MED13: variants seen among roughly 807,000 people sequenced by gnomAD.
The protein encoded by MED13 is mediator complex subunit 13.
A neutral mutation model predicts 225.2 loss-of-function variants in MED13; 23 were observed. The ratio of observed to expected loss-of-function variants is 0.10; its 90% CI spans 0.07 to 0.14. MED13 has a LOEUF of 0.14. Ranked by LOEUF, MED13 falls within the 10% of genes least tolerant of loss-of-function variation. The pLI, the probability that MED13 is intolerant of heterozygous loss-of-function variation, is 1.00. For missense variants in MED13, 2,197 were observed against 2,594.5 expected, an observed-to-expected ratio of 0.85 and a Z score of 3.33; for synonymous variants, 942 against 889.2, an observed-to-expected ratio of 1.06 and a Z score of -1.06.
chr17:62,059,435 TGTG>T (rs1198793993), intron 2 of MED13, among the ~76,000 whole-genome samples: 1 of 152,196 alleles, frequency 6.6e-6, no homozygotes, highest in African/African-American at 2.4e-5. Flanking sequence ...AGTAACAAGA[TGTG>T]GTGTGTGCTG....
At chr17:62,023,970 T>C (rs1049779793) in intron 8 of MED13, among the ~76,000 whole-genome samples, 4 of 152,190 alleles carry the variant, frequency 2.6e-5, no homozygotes, top group African/African-American at 9.7e-5. Flanking sequence ...AATTTTAGCA[T>C]ATTAAATCTC....
chr17:62,029,465 A>G lies in MED13; in HGVS notation c.1283+76T>C, dbSNP rs557800257. On this transcript the variant is annotated intron_variant, in intron 8 of 29. Coordinates refer to ENST00000397786, the MANE Select transcript of MED13 (RefSeq NM_005121.3). The stretch of plus-strand genomic sequence containing the variant: ...ACATATGTTCATGTAAGCTGTTTCA[A>G]ATAAAGTGGGCATAAGCATTCAGTG... 1.5e-5 allele frequency: 17 copies of G among 1,112,824 alleles called. No individual in the cohort carries two copies. The African/African-American group carries it at 2.6e-4, about 17-fold the overall frequency. The allele number at this position is 1,112,824 out of a possible 1,614,324, so 68.9% of individuals were successfully genotyped here. A position where few individuals can be genotyped will look rare whatever the true frequency, so the allele number is the denominator to read the frequency against.
At chr17:61,952,705 C>T (rs1012486536) in intron 27 of MED13, among the ~76,000 whole-genome samples, 8 of 152,160 alleles carry the variant, frequency 5.3e-5, no homozygotes, top group African/African-American at 1.2e-4. Flanking sequence ...TGGATGATCT[C>T]GGCTCACTAC....
rs765883182 is a variant in MED13 at position 61,995,164 on chromosome 17, T to C, written c.2169A>G (p.Gly723=). Residue 723 remains glycine, a synonymous_variant, in exon 10 of 30, where the codon GGA becomes GGG. Coordinates refer to ENST00000397786, the MANE Select transcript of MED13 (RefSeq NM_005121.3). ...KDRQNSEREA[G]KKHKVEDGTS... is the part of the protein sequence containing the mutation. ...TGATTTCTCTTACCTTGTGTTTTTT[T>C]CCAGCTTCTCTCTCACTATTTTGTC... 8 of 1,613,200 alleles carry C rather than the reference T, an allele frequency of 5.0e-6. No individual in the cohort carries two copies. Among genetic ancestry groups the C allele is most frequent in the Middle Eastern group, 3.3e-4 (2 of 6,060 alleles).
intron 3 of MED13, among the ~76,000 whole-genome samples, chr17:62,047,053 G>T (rs892864953): frequency 6.7e-6 from 1 of 149,086 alleles, no homozygotes; most frequent in Non-Finnish European, 1.5e-5. Flanking sequence ...TTTTTAAAGA[G>T]ACGGGGGTCT....
chr17:61,982,178 A>G lies in MED13; in HGVS notation c.3805+20T>C. ...AAGGGAAATAAGCAAACAAAAAAGTATTTTATTGGCATACTTTACCGTTTC... is the reference window on the plus strand; with the variant it reads ...AAGGGAAATAAGCAAACAAAAAAGTGTTTTATTGGCATACTTTACCGTTTC... On this transcript the variant is annotated intron_variant, in intron 16 of 29. Transcript: ENST00000397786. 1 of 1,573,806 alleles carries G rather than the reference A, an allele frequency of 6.4e-7. No individual in the cohort carries two copies. The highest frequency in any genetic ancestry group is 8.6e-7 in the Non-Finnish European group (1 of 1,162,108).
At chr17:62,035,388 C>T in intron 4 of MED13, 75 bp downstream of exon 4, 3 of 1,270,080 alleles carry the variant, frequency 2.4e-6, no homozygotes, top group South Asian at 1.7e-5. Context: ...CATCAATCCC[C>T]AAATGTAAAA....
At chr17:61,995,404 A>C in intron 9 of MED13, 39 bp from the exon 10 acceptor site, 1 of 1,466,232 alleles carries the variant, frequency 6.8e-7, no homozygotes, top group Non-Finnish European at 9.2e-7. Flanking sequence ...TATCCACATA[A>C]GCATTAAAAA....
At chr17:62,049,194 T>A (rs2080931725) in intron 3 of MED13, among the ~76,000 whole-genome samples, 1 of 144,918 alleles carries the variant, frequency 6.9e-6, no homozygotes, top group Admixed American at 6.8e-5. Context: ...CTAATCCAAA[T>A]CGGAAAAGAA....
intron 2 of MED13, among the ~76,000 whole-genome samples, chr17:62,059,966 A>C (rs563859275): frequency 3.3e-5 from 5 of 152,300 alleles, no homozygotes; most frequent in Admixed American, 1.3e-4. Flanking sequence ...ATTTCAGTTT[A>C]TTATTTCAAT....
At chr17:61,978,135 A>G (rs978794041) in intron 16 of MED13, among the ~76,000 whole-genome samples, 3 of 150,388 alleles carry the variant, frequency 2.0e-5, no homozygotes, top group Admixed American at 6.6e-5. Context: ...AGTTCTTACT[A>G]TGTGCCAAAA....
chr17:61,973,608 C>A (rs997177952), intron 16 of MED13, among the ~76,000 whole-genome samples: 23 of 152,158 alleles, frequency 1.5e-4, no homozygotes, highest in Non-Finnish European at 3.2e-4. Context: ...TGTTTGAGCA[C>A]AGTTATATTA....
At position 62,013,780 on chromosome 17, in the gene MED13, C is replaced by T. The variant is rs536414536; in HGVS notation, c.1284-2547G>A. On this transcript the variant is annotated intron_variant, in intron 8 of 29. Transcript: ENST00000397786. ...ATAAGGCCAGATGCAGTGGCTCACA[C>T]CTGTAATCCCAGCACTTTGGGAGGC... Among the ~76,000 whole-genome samples, 124 of 152,326 alleles carry T rather than the reference C, an allele frequency of 8.1e-4. 1 individual carries two copies. Among genetic ancestry groups the T allele is most frequent in the Admixed American group, 8.0e-3 (123 of 15,290 alleles).
intron 8 of MED13, among the ~76,000 whole-genome samples, chr17:62,028,531 C>A (rs1324215512): frequency 6.6e-6 from 1 of 151,722 alleles, no homozygotes; most frequent in East Asian, 1.9e-4. Context: ...GCACATGTAA[C>A]CCTGAACCAA....
rs192650250 is a variant in MED13, at chr17:62,060,936, G to C, written c.301+2131C>G. ...GATGGTCTCTATCTCCTGACCCTGCGATCTGCCTGCCTCAGCCTCCCAAAA... is the reference window on the plus strand; with the variant it reads ...GATGGTCTCTATCTCCTGACCCTGCCATCTGCCTGCCTCAGCCTCCCAAAA... On this transcript the variant is annotated intron_variant, in intron 2 of 29. Coordinates refer to ENST00000397786, the MANE Select transcript of MED13 (RefSeq NM_005121.3). Among the ~76,000 whole-genome samples, 270 of 152,108 alleles carry C rather than the reference G, an allele frequency of 1.8e-3. 2 individuals are homozygous for C. The highest frequency in any genetic ancestry group is 3.1e-3 in the Non-Finnish European group (214 of 68,006).
chr17:62,021,267 G>A (rs1418835673), intron 8 of MED13, among the ~76,000 whole-genome samples: 7 of 151,074 alleles, frequency 4.6e-5, no homozygotes, highest in East Asian at 2.0e-4. Flanking sequence ...AGGGGCGGCC[G>A]GGCAGAGGCG....
intron 29 of MED13, 96 bp downstream of exon 29, chr17:61,946,821 G>T: frequency 8.0e-7 from 1 of 1,248,580 alleles, no homozygotes; most frequent in Non-Finnish European, 1.2e-6. Flanking sequence ...GTACACAACT[G>T]TAAATTCTTG....
chr17:62,054,466 G>A (rs954701618), intron 2 of MED13, among the ~76,000 whole-genome samples: 2 of 152,156 alleles, frequency 1.3e-5, no homozygotes, highest in East Asian at 1.9e-4. Context: ...CAAAGACACC[G>A]TTATCTACTT....
At chr17:61,970,597 G>A (rs2080098136) in intron 17 of MED13, among the ~76,000 whole-genome samples, 1 of 143,174 alleles carries the variant, frequency 7.0e-6, no homozygotes, top group South Asian at 2.2e-4. Flanking sequence ...CATGAGAACT[G>A]CTTGAACCTG....
Sources: gnomAD v4.1 joint callset for allele counts (sites outside exome capture counted in the v4.1 genomes callset) on GRCh38, gnomAD v4.1.1 for gene constraint, MANE v1.5 for transcripts, NCBI Gene and HGNC (gene_info 2026-07-23, HGNC 2026-07-21) for gene names.